The following EPN1 variants were observed in gnomAD, a reference collection of about 807,000 sequenced individuals.
EPN1 encodes epsin-1.
EPN1 carries 25 observed loss-of-function variants against 56.9 expected under a neutral mutation model. That is an observed-to-expected ratio of 0.44 (90% CI 0.32 to 0.61). The LOEUF (loss-of-function observed/expected upper bound fraction) is 0.61. Ranked by LOEUF, EPN1 falls within the 20% of genes least tolerant of loss-of-function variation. The pLI is 0.05. For synonymous variants in EPN1, 411 were observed against 361.8 expected (o/e 1.14, Z -1.54); for missense variants, 785 against 823.7 (o/e 0.95, Z 0.58).
Position 55,703,021 on chromosome 19 carries a change from A to C in EPN1, c.*7665A>C, listed in dbSNP as rs113712894. ...TCACCGTGTTAGCCAGGATGGTCTC[A>C]ATCTGACCTTGTGATTCCGCCCACC... On this transcript the variant is annotated 3_prime_UTR_variant, in exon 11 of 11. Coordinates refer to ENST00000270460, the MANE Select transcript of EPN1 (RefSeq NM_001130072.2). 0.065 allele frequency: 9,922 copies of C among 152,074 alleles called. 415 individuals are homozygous for C. Among genetic ancestry groups the C allele is most frequent in the South Asian group, 0.15 (729 of 4,806 alleles). 9.4% of individuals were successfully genotyped at this position (152,074 alleles called of 1,614,324 possible).
At chr19:55,688,007 G>A (rs750325192) in intron 3 of EPN1, among the ~76,000 whole-genome samples, 22 of 152,200 alleles carry the variant, frequency 1.4e-4, no homozygotes, top group South Asian at 8.3e-4. Context: ...CAGGTGCAAG[G>A]CGGCGTCTTG....
chr19:55,680,158 C>T (rs957653189), intron 2 of EPN1, among the ~76,000 whole-genome samples: 9 of 152,108 alleles, frequency 5.9e-5, no homozygotes, highest in African/African-American at 1.7e-4. Context: ...CAGTGCCAGG[C>T]GGGGCTTGGG....
rs1425195794 is a variant in EPN1, at chr19:55,706,776, T to C, written c.*11420T>C. 1 of 150,682 alleles carries C rather than the reference T, an allele frequency of 6.6e-6. No individual in the cohort carries two copies. The highest frequency in any genetic ancestry group is 1.5e-5 in the Non-Finnish European group (1 of 67,866). 9.3% of individuals were successfully genotyped at this position (150,682 alleles called of 1,614,324 possible). A position where few individuals can be genotyped will look rare whatever the true frequency, so the allele number is the denominator to read the frequency against. On this transcript the variant is annotated 3_prime_UTR_variant, in exon 11 of 11. Transcript: ENST00000270460. ...TAAATGGGCCAGGTGCGATGGCTTG[T>C]GCCTGTAATCCCAGCAGTTTGAGAG...
chr19:55,700,934 C>T lies in EPN1; in HGVS notation c.*5578C>T, dbSNP rs1394107864. 1 of 152,284 alleles carries T rather than the reference C, an allele frequency of 6.6e-6. No homozygotes were observed. The highest frequency in any genetic ancestry group is 2.4e-5 in the African/African-American group (1 of 41,454). 9.4% of individuals were successfully genotyped at this position (152,284 alleles called of 1,614,324 possible). On this transcript the variant is annotated 3_prime_UTR_variant, in exon 11 of 11. Coordinates refer to ENST00000270460, the MANE Select transcript of EPN1 (RefSeq NM_001130072.2). ...CACCCAAATCAAGCATCACTACATCCATCCGCAGGGGAGGCAAGCTTAGGG... is the reference window on the plus strand; with the variant it reads ...CACCCAAATCAAGCATCACTACATCTATCCGCAGGGGAGGCAAGCTTAGGG...
intron 7 of EPN1, 100 bp downstream of exon 7, chr19:55,692,157 G>C: frequency 8.3e-7 from 1 of 1,198,010 alleles, no homozygotes; most frequent in Admixed American, 3.6e-5. Flanking sequence ...CAGTGGCGCC[G>C]GGCAGTGGTG....
At chr19:55,684,377 C>A (rs1442953010) in intron 2 of EPN1, among the ~76,000 whole-genome samples, 1 of 152,108 alleles carries the variant, frequency 6.6e-6, no homozygotes, top group Non-Finnish European at 1.5e-5. Flanking sequence ...CAAGACACCC[C>A]CTGCAGAGCC....
chr19:55,701,504 A>G lies in EPN1; in HGVS notation c.*6148A>G, dbSNP rs548690378. ...TGTATTTTTTTCTCTTAGTATCTTA[A>G]GAAATACATGATTTGAACAAGGACC... On this transcript the variant is annotated 3_prime_UTR_variant, in exon 11 of 11. Transcript: ENST00000270460. The G allele has an allele frequency of 6.6e-6, 1 of 151,632 alleles. No individual in the cohort carries two copies. Among genetic ancestry groups the G allele is most frequent in the South Asian group, 2.1e-4 (1 of 4,816 alleles). The allele number at this position is 151,632 out of a possible 1,614,324, so 9.4% of individuals were successfully genotyped here.
intron 1 of EPN1, chr19:55,677,368 G>T: frequency 2.9e-6 from 2 of 686,628 alleles, no homozygotes; most frequent in Admixed American, 4.5e-5. Flanking sequence ...AGAGCAGTGC[G>T]AGTGTCTGCT....
chr19:55,693,208 G>A (rs1220778924), intron 9 of EPN1, 171 bp downstream of exon 9: 6 of 549,004 alleles, frequency 1.1e-5, no homozygotes, highest in African/African-American at 5.7e-5. Context: ...TTTAAAAGAA[G>A]TGTGCATCTT....
At chr19:55,682,607 TA>T (rs1187660112) in intron 2 of EPN1, among the ~76,000 whole-genome samples, 1 of 152,054 alleles carries the variant, frequency 6.6e-6, no homozygotes, top group Non-Finnish European at 1.5e-5. Flanking sequence ...TTTATTTATT[TA>T]TTTTTTTAGA....
At chr19:55,680,128 A>G (rs1985712333) in intron 2 of EPN1, among the ~76,000 whole-genome samples, 1 of 152,134 alleles carries the variant, frequency 6.6e-6, no homozygotes. Flanking sequence ...AGGGCAGTGC[A>G]GGAGAGGGGA....
intron 6 of EPN1, 150 bp downstream of exon 6, chr19:55,690,100 G>A: frequency 1.3e-6 from 1 of 783,776 alleles, no homozygotes; most frequent in Non-Finnish European, 2.0e-6. Flanking sequence ...CGGCCTCTCT[G>A]TGCCTCTCCC....
At chr19:55,692,281 G>C (rs1035214769) in intron 7 of EPN1, among the ~76,000 whole-genome samples, 1 of 151,992 alleles carries the variant, frequency 6.6e-6, no homozygotes, top group Non-Finnish European at 1.5e-5. Flanking sequence ...GGGAGGGGAT[G>C]GCAGCTCAGC....
chr19:55,688,795 G>A (rs1055122121), intron 3 of EPN1, 75 bp from the exon 4 acceptor site: 11 of 1,540,482 alleles, frequency 7.1e-6, no homozygotes, highest in South Asian at 3.6e-5. Context: ...AGAAGCCCCC[G>A]TCTGTCTAGG....
chr19:55,687,920 AG>A (rs1214642830), intron 3 of EPN1, among the ~76,000 whole-genome samples: 6 of 151,886 alleles, frequency 4.0e-5, no homozygotes, highest in Admixed American at 2.6e-4. Context: ...GCTCCGGGCA[AG>A]GGGAGCCAGG....
In EPN1 at chr19:55,689,995, G is replaced by A. The variant is rs1179910567; in HGVS notation, c.762+45G>A. On this transcript the variant is annotated intron_variant, in intron 6 of 10. Transcript: ENST00000270460. The surrounding 1 kb of genome is among the most constrained non-coding windows in gnomAD (Gnocchi z 5.7). ...CCCTCCCTGGCCCCTGCAGGTGTCC[G>A]TCCGTCCCATCGCTCATTCCTGCGT... 16 of 1,523,652 alleles carry A rather than the reference G, an allele frequency of 1.1e-5. No individual in the cohort carries two copies. Among genetic ancestry groups the A allele is most frequent in the Non-Finnish European group, 1.4e-5 (16 of 1,123,430 alleles). The allele number at this position is 1,523,652 out of a possible 1,614,324, so 94.4% of individuals were successfully genotyped here. A position where few individuals can be genotyped will look rare whatever the true frequency, so the allele number is the denominator to read the frequency against.
rs1230355151 is a variant in EPN1, at chr19:55,703,341, G to A, written c.*7985G>A. 6.6e-6 allele frequency: 1 copy of A among 151,714 alleles called. No homozygotes were observed. The highest frequency in any genetic ancestry group is 3.2e-3 in the Middle Eastern group (1 of 316). 9.4% of individuals were successfully genotyped at this position (151,714 alleles called of 1,614,324 possible). ...GGATTCTCACTTTTTTTTAAAATTT[G>A]AGATGGAGTTTCACTGTCGTCACCC... On this transcript the variant is annotated 3_prime_UTR_variant, in exon 11 of 11. Coordinates refer to ENST00000270460, the MANE Select transcript of EPN1 (RefSeq NM_001130072.2).
rs1396362588 is a variant in EPN1, at chr19:55,705,320, G to T, written c.*9964G>T. ...CACACAAAAACGAAAACAAACCAAT[G>T]AAAAAAACCTCTCAGAACGATACAG... On this transcript the variant is annotated 3_prime_UTR_variant, in exon 11 of 11. Coordinates refer to ENST00000270460, the MANE Select transcript of EPN1 (RefSeq NM_001130072.2). 4 of 152,068 alleles carry T rather than the reference G, an allele frequency of 2.6e-5. No individual in the cohort carries two copies. The highest frequency in any genetic ancestry group is 9.7e-5 in the African/African-American group (4 of 41,422). The allele number at this position is 152,068 out of a possible 1,614,324, so 9.4% of individuals were successfully genotyped here.
intron 3 of EPN1, among the ~76,000 whole-genome samples, chr19:55,686,447 A>T (rs905850511): frequency 1.1e-4 from 17 of 152,000 alleles, no homozygotes; most frequent in Admixed American, 5.2e-4. Flanking sequence ...GGGCTGCTAG[A>T]GCACTGCCCT....
Sources: allele counts gnomAD v4.1 joint callset (sites outside exome capture counted in the v4.1 genomes callset), GRCh38; gene constraint gnomAD v4.1.1; non-coding constraint Gnocchi (gnomAD v3.1); transcripts MANE v1.5; gene names NCBI Gene and HGNC (gene_info 2026-07-23, HGNC 2026-07-21).